GRIN3A: variants seen among roughly 807,000 people sequenced by gnomAD.
The protein encoded by GRIN3A is glutamate receptor ionotropic, NMDA 3A.
GRIN3A carries 47 observed loss-of-function variants against 92.4 expected under a neutral mutation model. The observed-to-expected ratio is 0.51, with a 90% CI of 0.40 to 0.65. The LOEUF (loss-of-function observed/expected upper bound fraction) is 0.65, where lower values mean the gene tolerates loss of function less well. GRIN3A is among the 30% of genes least tolerant of loss of function. The probability of loss-of-function intolerance (pLI) is 0.00; values close to 1 mark genes in which losing one functional copy is unlikely to be tolerated. For synonymous variants in GRIN3A, 527 were observed against 540.6 expected (o/e 0.97, Z 0.35); for missense variants, 1,324 against 1,393.1 (o/e 0.95, Z 0.79).
At position 101,737,301 on chromosome 9, in the gene GRIN3A, C is replaced by A. The variant is rs994756085; in HGVS notation, c.679G>T (p.Glu227Ter). 1.1e-5 allele frequency: 18 copies of A among 1,614,046 alleles called. No homozygotes were observed. Among genetic ancestry groups the A allele is most frequent in the Non-Finnish European group, 1.5e-5 (18 of 1,180,016 alleles). The change falls in exon 1 of 9, where the codon GAG becomes TAG. Residue 227 changes from glutamate to a stop codon, truncating the protein, a stop_gained. Transcript: ENST00000361820. LOFTEE classifies it high-confidence loss of function. ...CTCACCTGACTCTCCCGTGGAAACT[C>A]GTGGCGCACGATGCTGATCACTGGA... ...HIPVISIVRH[E>*]FPRESQNPLH... is the part of the protein sequence containing the mutation.
chr9:101,627,283 A>C (rs1423294246), intron 4 of GRIN3A, among the ~76,000 whole-genome samples: 2 of 152,216 alleles, frequency 1.3e-5, no homozygotes, highest in Admixed American at 1.3e-4. Context: ...ATATGAGAGA[A>C]CAAGGCTTTT....
intron 2 of GRIN3A, among the ~76,000 whole-genome samples, chr9:101,678,348 T>A (rs569576205): frequency 6.6e-6 from 1 of 152,252 alleles, no homozygotes; most frequent in East Asian, 1.9e-4. Flanking sequence ...TATAAAAAAT[T>A]GAAGTTAGTT....
At chr9:101,636,557 C>T (rs541154903) in intron 3 of GRIN3A, among the ~76,000 whole-genome samples, 54 of 152,308 alleles carry the variant, frequency 3.5e-4, no homozygotes, top group African/African-American at 1.2e-3. Flanking sequence ...AGAACTTGCA[C>T]TATTAATCTC....
intron 3 of GRIN3A, among the ~76,000 whole-genome samples, chr9:101,663,366 G>A (rs555614058): frequency 3.9e-5 from 6 of 151,908 alleles, no homozygotes; most frequent in South Asian, 2.1e-4. Flanking sequence ...ATGTTGCAAG[G>A]ACAGTGTCTA....
At position 101,686,901 on chromosome 9, in the gene GRIN3A, T is replaced by G; in HGVS notation, c.999A>C (p.Glu333Asp). Reference sequence around the variant, plus strand: ...TAATTTCGAAAATCCGCCGGATACTTTCCATGTCGCAGCCAAACATCACCA... The same window carrying G: ...TAATTTCGAAAATCCGCCGGATACTGTCCATGTCGCAGCCAAACATCACCA... ...PTVVMFGCDM[E>D]SIRRIFEITT... The change falls in exon 2 of 9, where the codon GAA becomes GAC. Residue 333 changes from glutamate to aspartate, a missense_variant. Transcript: ENST00000361820. 1 of 1,614,216 alleles carries G rather than the reference T, an allele frequency of 6.2e-7. No individual in the cohort carries two copies. The highest frequency in any genetic ancestry group is 8.5e-7 in the Non-Finnish European group (1 of 1,180,040).
At chr9:101,731,246 C>T (rs1206483433) in intron 1 of GRIN3A, among the ~76,000 whole-genome samples, 1 of 152,128 alleles carries the variant, frequency 6.6e-6, no homozygotes, top group Admixed American at 6.5e-5. Context: ...TGAAGGCTGA[C>T]AAATAGACGA....
At chr9:101,629,564 T>C (rs1402076408) in intron 3 of GRIN3A, among the ~76,000 whole-genome samples, 2 of 152,214 alleles carry the variant, frequency 1.3e-5, no homozygotes, top group African/African-American at 4.8e-5. Context: ...ATTCCACTGT[T>C]AAGTAAGTAA....
chr9:101,665,688 A>G (rs992027722), intron 3 of GRIN3A, among the ~76,000 whole-genome samples: 24 of 152,000 alleles, frequency 1.6e-4, no homozygotes, highest in African/African-American at 5.8e-4. Flanking sequence ...AAATGTCCCA[A>G]AAGAACCACA....
chr9:101,575,900 G>C (rs764878486), intron 8 of GRIN3A, among the ~76,000 whole-genome samples: 14 of 152,154 alleles, frequency 9.2e-5, no homozygotes, highest in Non-Finnish European at 1.9e-4. Flanking sequence ...AGTAAAGATA[G>C]CTGGACTGGT....
intron 3 of GRIN3A, among the ~76,000 whole-genome samples, chr9:101,629,970 T>C (rs1319318252): frequency 1.3e-5 from 2 of 152,202 alleles, no homozygotes; most frequent in Non-Finnish European, 2.9e-5. Flanking sequence ...TGATGTTTAT[T>C]AGGAGGAACT....
chr9:101,643,683 T>TCTCTCA (rs60262370), intron 3 of GRIN3A, among the ~76,000 whole-genome samples: 15 of 142,728 alleles, frequency 1.1e-4, no homozygotes, highest in Non-Finnish European at 2.2e-4. Flanking sequence ...TCTCTCTCTC[T>TCTCTCA]CACACACACA....
chr9:101,596,235 G>T (rs1828128589), intron 6 of GRIN3A, among the ~76,000 whole-genome samples: 1 of 152,072 alleles, frequency 6.6e-6, no homozygotes, highest in Non-Finnish European at 1.5e-5. Context: ...ATTAAGTCTG[G>T]CCATTTTACT....
At chr9:101,664,244 A>G (rs1564138783) in intron 3 of GRIN3A, among the ~76,000 whole-genome samples, 1 of 151,998 alleles carries the variant, frequency 6.6e-6, no homozygotes, top group African/African-American at 2.4e-5. Context: ...ATGATGAGGT[A>G]GTAGATGCTT....
intron 5 of GRIN3A, among the ~76,000 whole-genome samples, chr9:101,615,090 GCTTTA>G (rs1033428800): frequency 6.6e-6 from 1 of 151,636 alleles, no homozygotes; most frequent in Non-Finnish European, 1.5e-5. Context: ...ACACTGTGTG[GCTTTA>G]CTTGCTTTCC....
At chr9:101,709,145 A>T (rs1473054240) in intron 1 of GRIN3A, among the ~76,000 whole-genome samples, 1 of 151,954 alleles carries the variant, frequency 6.6e-6, no homozygotes, top group Non-Finnish European at 1.5e-5. Flanking sequence ...GGAAGATGAG[A>T]TGCTTACCCA....
chr9:101,719,111 G>T (rs560033687), intron 1 of GRIN3A, among the ~76,000 whole-genome samples: 1 of 152,242 alleles, frequency 6.6e-6, no homozygotes, highest in African/African-American at 2.4e-5. Flanking sequence ...TCTGACAGAA[G>T]CTGGGACAAG....
chr9:101,724,431 G>A (rs906975799), intron 1 of GRIN3A, among the ~76,000 whole-genome samples: 3 of 152,092 alleles, frequency 2.0e-5, no homozygotes, highest in South Asian at 2.1e-4. Flanking sequence ...CCAAGCCCAC[G>A]CCCACCCAGA....
intron 5 of GRIN3A, 101 bp downstream of exon 5, chr9:101,623,217 A>G (rs1828581629): frequency 1.3e-6 from 1 of 789,966 alleles, no homozygotes; most frequent in African/African-American, 1.7e-5. Flanking sequence ...ACGAGGGAAG[A>G]TGAATAGCTC....
At position 101,686,992 on chromosome 9, in the gene GRIN3A, G is replaced by A. The variant is rs372280145; in HGVS notation, c.908C>T (p.Ser303Phe). The change falls in exon 2 of 9, where the codon TCC becomes TTC. Residue 303 changes from serine (S) to phenylalanine (F), a missense_variant. By Grantham distance (155) the Ser-to-Phe change is radical. Coordinates refer to ENST00000361820, the MANE Select transcript of GRIN3A (RefSeq NM_133445.3). ...SIINITANLP[S>F]TQDLLSFLQI... ...TAGGAAGCTCAAGAGGTCCTGGGTGGAGGGGAGGTTAGCGGTGATGTTGAT... is the reference window on the plus strand; with the variant it reads ...TAGGAAGCTCAAGAGGTCCTGGGTGAAGGGGAGGTTAGCGGTGATGTTGAT... The A allele has an allele frequency of 6.2e-6, 10 of 1,614,088 alleles. 1 individual carries two copies. Among genetic ancestry groups the A allele is most frequent in the African/African-American group, 5.3e-5 (4 of 74,942 alleles).
Sources: allele counts gnomAD v4.1 joint callset (sites outside exome capture counted in the v4.1 genomes callset), GRCh38; gene constraint gnomAD v4.1.1; transcripts MANE v1.5; gene names NCBI Gene and HGNC (gene_info 2026-07-23, HGNC 2026-07-21).